KASH5: variants seen among roughly 807,000 people sequenced by gnomAD.
KASH5 encodes the protein KASH domain containing 5, also known as protein KASH5.
A neutral mutation model predicts 84.2 loss-of-function variants in KASH5; 72 were observed. The ratio of observed to expected loss-of-function variants is 0.85; its 90% confidence interval spans 0.71 to 1.04. The LOEUF is 1.04. KASH5 is among the 50% of genes least tolerant of loss of function. The pLI is 0.00. For missense variants in KASH5, 650 were observed against 701.0 expected (o/e 0.93, Z 0.82); for synonymous variants, 260 against 279.1 (o/e 0.93, Z 0.68).
intron 9 of KASH5, among the ~76,000 whole-genome samples, chr19:49,401,944 T>C (rs551997419): frequency 1.3e-5 from 2 of 152,292 alleles, no homozygotes; most frequent in South Asian, 2.1e-4. Flanking sequence ...ACATCCCTTT[T>C]TAAGAATGAA....
At chr19:49,407,397 G>T in intron 11 of KASH5, 101 bp downstream of exon 11, 1 of 1,328,872 alleles carries the variant, frequency 7.5e-7, no homozygotes. Context: ...CTGATCCTTG[G>T]ATGTGCAGCT....
intron 17 of KASH5, 159 bp downstream of exon 17, chr19:49,415,155 C>A: frequency 1.3e-6 from 1 of 742,512 alleles, no homozygotes; most frequent in Non-Finnish European, 2.3e-6. Flanking sequence ...TTTGCTGTAG[C>A]TAATGAGAGC....
intron 5 of KASH5, among the ~76,000 whole-genome samples, chr19:49,396,961 G>A (rs1974201570): frequency 6.6e-6 from 1 of 151,884 alleles, no homozygotes; most frequent in African/African-American, 2.4e-5. Flanking sequence ...CACTGAGTCA[G>A]GAGGATCGCT....
At chr19:49,391,663 A>G (rs1453200012) in intron 2 of KASH5, 1 of 152,212 alleles carries the variant, frequency 6.6e-6, no homozygotes, top group Non-Finnish European at 1.5e-5. Context: ...AGAGCATTTC[A>G]GTCTACACTC....
Position 49,407,667 on chromosome 19 carries a change from C to A in KASH5, c.989C>A (p.Thr330Lys). ...AQTLEEYRVT[T>K]QELRLEISRL... is the part of the protein sequence containing the mutation. Reference sequence around the variant, plus strand: ...ACCCTGGAAGAATACAGAGTGACGACGCAGGTAACTCAGCGGCCCTCGCCA... The same window carrying A: ...ACCCTGGAAGAATACAGAGTGACGAAGCAGGTAACTCAGCGGCCCTCGCCA... The change falls in exon 12 of 20, where the codon ACG becomes AAG. Residue 330 changes from threonine (T) to lysine (K), a missense_variant. Transcript: ENST00000447857. The A allele has an allele frequency of 6.2e-7, 1 of 1,603,732 alleles. No individual in the cohort carries two copies. Among genetic ancestry groups the A allele is most frequent in the Non-Finnish European group, 8.5e-7 (1 of 1,175,228 alleles).
chr19:49,415,662 C>A (rs779022268), intron 17 of KASH5: 2 of 160,072 alleles, frequency 1.2e-5, no homozygotes, highest in East Asian at 1.9e-4. Flanking sequence ...GCACCCTGGC[C>A]CCGAAGCCCA....
chr19:49,400,353 C>CTTTTT (rs36066335), intron 9 of KASH5, among the ~76,000 whole-genome samples: 13 of 124,214 alleles, frequency 1.0e-4, no homozygotes, highest in African/African-American at 9.2e-5. Flanking sequence ...CTTTTAGTTT[C>CTTTTT]TTTTTTTTTT....
rs1478669714 is a variant in KASH5, at chr19:49,414,090, T to A, written c.1329-861T>A. ...TGAGGCCTGAGTCCCCAAAGCAGCA[T>A]TTCAGGGACTCAGATGGCTGTGACC... On this transcript the variant is annotated intron_variant, in intron 16 of 19. Coordinates refer to ENST00000447857, the MANE Select transcript of KASH5 (RefSeq NM_144688.5). This position sits in a 1 kb window ranked among gnomAD's most constrained non-coding sequence, Gnocchi z 4.5. Among the ~76,000 whole-genome samples, 1 of 151,916 alleles carries A rather than the reference T, an allele frequency of 6.6e-6. No individual in the cohort carries two copies. The highest frequency in any genetic ancestry group is 1.5e-5 in the Non-Finnish European group (1 of 67,962).
At chr19:49,410,830 C>G (rs937840873) in intron 15 of KASH5, among the ~76,000 whole-genome samples, 1 of 151,674 alleles carries the variant, frequency 6.6e-6, no homozygotes, top group African/African-American at 2.4e-5. Context: ...ACTGTGTTGT[C>G]CAGACTGGTC....
In KASH5 at chr19:49,406,884, A is replaced by G; in HGVS notation, c.799-2A>G. ...AACGTGACCAGCCATTCCTTCTTCT[A>G]GAACGGGAAGCTGCTTGCCGAGCGG... On this transcript the variant is annotated splice_acceptor_variant, in intron 9 of 19. Coordinates refer to ENST00000447857, the MANE Select transcript of KASH5 (RefSeq NM_144688.5). LOFTEE classifies it high-confidence loss of function. 6.2e-7 allele frequency: 1 copy of G among 1,604,306 alleles called. No individual in the cohort carries two copies. Among genetic ancestry groups the G allele is most frequent in the South Asian group, 1.1e-5 (1 of 88,970 alleles).
chr19:49,399,803 T>C lies in KASH5; in HGVS notation c.798+296T>C. The C allele has an allele frequency of 1.7e-6, 1 of 603,750 alleles. No homozygotes were observed. Among genetic ancestry groups the C allele is most frequent in the Non-Finnish European group, 2.6e-6 (1 of 381,544 alleles). The allele number at this position is 603,750 out of a possible 1,614,324, so 37.4% of individuals were successfully genotyped here. The stretch of plus-strand genomic sequence containing the variant: ...TCACCTATAAAGATGAACAAAACAA[T>C]GGCATCTGCCTCAGTGGTTTGTGTG... On this transcript the variant is annotated intron_variant, in intron 9 of 19. Coordinates refer to ENST00000447857, the MANE Select transcript of KASH5 (RefSeq NM_144688.5). This position sits in a 1 kb window ranked among gnomAD's most constrained non-coding sequence, Gnocchi z 4.4.
intron 9 of KASH5, 111 bp from the exon 10 acceptor site, chr19:49,406,775 T>C (rs1389788052): frequency 8.8e-6 from 8 of 912,198 alleles, no homozygotes; most frequent in Non-Finnish European, 1.2e-5. Context: ...ACATATGAAG[T>C]GCTTAGCATG....
At chr19:49,394,708 G>A in intron 3 of KASH5, 128 bp downstream of exon 3, 1 of 685,412 alleles carries the variant, frequency 1.5e-6, no homozygotes, top group Non-Finnish European at 2.5e-6. Flanking sequence ...AACAAAGTGG[G>A]TGATTATGGG....
rs564556046 is a variant in KASH5, at chr19:49,388,323, T to A, written c.-100T>A. ...TTGTGTCCCGAGACTAGGACGTGGC[T>A]CCAGGTGCGCCCTGCCCCGCGGCGA... On this transcript the variant is annotated 5_prime_UTR_variant, in exon 1 of 20. Transcript: ENST00000447857. 3 of 152,324 alleles carry A rather than the reference T, an allele frequency of 2.0e-5. No homozygotes were observed. The highest frequency in any genetic ancestry group is 7.2e-5 in the African/African-American group (3 of 41,524). 9.4% of individuals were successfully genotyped at this position (152,324 alleles called of 1,614,324 possible).
rs752710341 is a variant in KASH5 at position 49,407,632 on chromosome 19, C to A, written c.954C>A (p.Ser318Arg). Residue 318 changes from serine (S) to arginine (R), a missense_variant, in exon 12 of 20, where the codon AGC (serine) becomes AGA (arginine). Coordinates refer to ENST00000447857, the MANE Select transcript of KASH5 (RefSeq NM_144688.5). ...ILSERTRDVE[S>R]LAQTLEEYRV... ...CCTAGCGCACTCGCGATGTGGAGAGCCTGGCCCAGACCCTGGAAGAATACA... is the reference window on the plus strand; with the variant it reads ...CCTAGCGCACTCGCGATGTGGAGAGACTGGCCCAGACCCTGGAAGAATACA... 6.2e-7 allele frequency: 1 copy of A among 1,603,138 alleles called. No homozygotes were observed. The highest frequency in any genetic ancestry group is 8.5e-7 in the Non-Finnish European group (1 of 1,174,986).
chr19:49,406,583 G>A (rs954564864), intron 9 of KASH5, among the ~76,000 whole-genome samples: 25 of 152,148 alleles, frequency 1.6e-4, no homozygotes, highest in African/African-American at 6.0e-4. Context: ...CACCATGTTG[G>A]CCAGGCTGGT....
rs974558620 is a variant in KASH5 at position 49,412,439 on chromosome 19, G to A, written c.1270-529G>A. Among the ~76,000 whole-genome samples, 2 of 151,842 alleles carry A rather than the reference G, an allele frequency of 1.3e-5. No homozygotes were observed. The highest frequency in any genetic ancestry group is 4.8e-5 in the African/African-American group (2 of 41,338). Reference sequence around the variant, plus strand: ...TGTCTGGGGGCTGCCTGGAAGAGTTGGGTGCACCATCCTGGAGCTCGAGGA... The same window carrying A: ...TGTCTGGGGGCTGCCTGGAAGAGTTAGGTGCACCATCCTGGAGCTCGAGGA... On this transcript the variant is annotated intron_variant, in intron 15 of 19. Transcript: ENST00000447857. This position sits in a 1 kb window ranked among gnomAD's most constrained non-coding sequence, Gnocchi z 4.6.
At position 49,399,533 on chromosome 19, in the gene KASH5, C is replaced by A. The variant is rs770935827; in HGVS notation, c.798+26C>A. 7.2e-5 allele frequency: 114 copies of A among 1,593,138 alleles called. No individual in the cohort carries two copies. Among genetic ancestry groups the A allele is most frequent in the Non-Finnish European group, 9.6e-5 (112 of 1,169,860 alleles). On this transcript the variant is annotated intron_variant, in intron 9 of 19. Transcript: ENST00000447857. This position sits in a 1 kb window ranked among gnomAD's most constrained non-coding sequence, Gnocchi z 4.4. ...GTGAGCGGAGGCCCAGCACCACCCC[C>A]ACCCCTTCCCCAGTCCTTAAGGTCT...
rs754377128 is a variant in KASH5 at position 49,408,984 on chromosome 19, T to C, written c.1011T>C (p.Ile337=). The C allele has an allele frequency of 6.9e-6, 11 of 1,588,866 alleles. No individual in the cohort carries two copies. In the Middle Eastern group the frequency reaches 1.7e-3, roughly 240 times the overall value. Residue 337 remains isoleucine, a synonymous_variant, in exon 13 of 20, where the codon ATT becomes ATC. Coordinates refer to ENST00000447857, the MANE Select transcript of KASH5 (RefSeq NM_144688.5). ...RVTTQELRLE[I]SRLEEQLSQT... ...CTTTGCAGGAACTGAGGCTGGAGATTTCACGCCTGGAGGAGCAGCTGAGTC... is the reference window on the plus strand; with the variant it reads ...CTTTGCAGGAACTGAGGCTGGAGATCTCACGCCTGGAGGAGCAGCTGAGTC...
Sources: gnomAD v4.1 joint callset for allele counts (sites outside exome capture counted in the v4.1 genomes callset) on GRCh38, gnomAD v4.1.1 for gene constraint, Gnocchi (gnomAD v3.1) non-coding constraint, MANE v1.5 for transcripts, NCBI Gene and HGNC (gene_info 2026-07-23, HGNC 2026-07-21) for gene names.